The following CEP290 variants were observed in gnomAD, a reference collection of about 807,000 sequenced individuals.
The protein encoded by CEP290 is centrosomal protein of 290 kDa.
In CEP290, 317 loss-of-function variants were observed where a neutral mutation model predicts 344.9. That is an observed-to-expected ratio of 0.92 (90% CI 0.84 to 1.01). The LOEUF is 1.01. Ranked by LOEUF, CEP290 falls within the 50% of genes least tolerant of loss-of-function variation. The pLI, the probability that CEP290 is intolerant of heterozygous loss-of-function variation, is 0.00. For synonymous variants in CEP290, 932 were observed against 895.8 expected, an observed-to-expected ratio of 1.04 and a Z score of -0.72; for missense variants, 2,754 against 2,761.4, an observed-to-expected ratio of 1.00 and a Z score of 0.06.
intron 25 of CEP290, among the ~76,000 whole-genome samples, chr12:88,106,468 A>T (rs2038288344): frequency 6.6e-6 from 1 of 152,200 alleles, no homozygotes; most frequent in South Asian, 2.1e-4. Flanking sequence ...TAAAGAAAAA[A>T]GCCTTTTTCA....
chr12:88,123,757 C>G (rs879352029), intron 13 of CEP290, among the ~76,000 whole-genome samples: 1 of 152,034 alleles, frequency 6.6e-6, no homozygotes, highest in Non-Finnish European at 1.5e-5. Context: ...TGTCCTAAAC[C>G]TTAAACTTTT....
At chr12:88,121,618 A>G (rs2039406894) in intron 13 of CEP290, among the ~76,000 whole-genome samples, 1 of 151,778 alleles carries the variant, frequency 6.6e-6, no homozygotes, top group Admixed American at 6.6e-5. Flanking sequence ...AATTTCAAAA[A>G]AAAAAAAAAA....
rs2033216440 is a variant in CEP290 at position 88,049,143 on chromosome 12, G to GTT, written c.*39_*40dup. The GTT allele has an allele frequency of 8.2e-7, 1 of 1,214,030 alleles. No individual in the cohort carries two copies. Among genetic ancestry groups the GTT allele is most frequent in the East Asian group, 2.4e-5 (1 of 42,154 alleles). The allele number at this position is 1,214,030 out of a possible 1,614,324, so 75.2% of individuals were successfully genotyped here. On this transcript the variant is annotated 3_prime_UTR_variant, in exon 54 of 54. Coordinates refer to ENST00000552810, the MANE Select transcript of CEP290 (RefSeq NM_025114.4). ...TTTCCAAGTATATTTAACTTATAAA[G>GTT]TTAATAAATAGTTAAATGAAACAAA...
At chr12:88,075,810 C>T (rs776301652) in intron 41 of CEP290, among the ~76,000 whole-genome samples, 1 of 152,160 alleles carries the variant, frequency 6.6e-6, no homozygotes, top group East Asian at 1.9e-4. Flanking sequence ...TGGGCATAGA[C>T]CCCTGTTTTC....
At chr12:88,122,009 A>T (rs1299719932) in intron 13 of CEP290, among the ~76,000 whole-genome samples, 1 of 152,168 alleles carries the variant, frequency 6.6e-6, no homozygotes, top group Non-Finnish European at 1.5e-5. Flanking sequence ...TCCAAAATTG[A>T]TTGACAGATC....
chr12:88,057,042 G>A (rs1260048802), intron 49 of CEP290, among the ~76,000 whole-genome samples: 4 of 152,048 alleles, frequency 2.6e-5, no homozygotes, highest in Non-Finnish European at 5.9e-5. Flanking sequence ...GACCTGTATC[G>A]TTCTCAGACG....
intron 49 of CEP290, chr12:88,058,636 G>C (rs568096987): frequency 2.5e-4 from 145 of 585,914 alleles, no homozygotes; most frequent in African/African-American, 2.4e-3. Flanking sequence ...TCCATGCCCT[G>C]CCACCCAAAC....
At chr12:88,060,138 G>C in intron 47 of CEP290, 118 bp from the exon 48 acceptor site, 2 of 894,184 alleles carry the variant, frequency 2.2e-6, no homozygotes, top group Non-Finnish European at 3.3e-6. Flanking sequence ...GATATGATTA[G>C]AATTAAAGTC....
At chr12:88,055,101 T>C (rs1241955757) in intron 50 of CEP290, among the ~76,000 whole-genome samples, 3 of 152,150 alleles carry the variant, frequency 2.0e-5, no homozygotes, top group African/African-American at 7.2e-5. Context: ...TTTAGGGTGA[T>C]GGAGAACCAC....
In CEP290 at chr12:88,049,141, A is replaced by AAGTT. The variant is rs543695126; in HGVS notation, c.*39_*42dup. 81 of 1,187,360 alleles carry AAGTT rather than the reference A, an allele frequency of 6.8e-5. 1 individual carries two copies. The highest frequency in any genetic ancestry group is 6.6e-4 in the South Asian group (46 of 69,392). 73.6% of individuals were successfully genotyped at this position (1,187,360 alleles called of 1,614,324 possible). On this transcript the variant is annotated 3_prime_UTR_variant, in exon 54 of 54. Transcript: ENST00000552810. ...TATTTCCAAGTATATTTAACTTATA[A>AAGTT]AGTTAATAAATAGTTAAATGAAACA...
intron 5 of CEP290, 130 bp downstream of exon 5, chr12:88,139,015 C>A (rs1383547644): frequency 1.8e-6 from 1 of 568,858 alleles, no homozygotes; most frequent in Non-Finnish European, 3.2e-6. Context: ...AGAACATATA[C>A]AGAATAAACA....
Position 88,060,991 on chromosome 12 carries a change from C to T in CEP290, c.6361G>A (p.Gly2121Ser). The change falls in exon 47 of 54, where the codon GGT becomes AGT. Residue 2121 changes from glycine (G) to serine (S), a missense_variant. Gly to Ser is a moderately conservative substitution (Grantham distance 56). Coordinates refer to ENST00000552810, the MANE Select transcript of CEP290 (RefSeq NM_025114.4). Reference protein sequence around the residue: ...QRKLGHVRGSGRSGKTIPELE... With the variant: ...QRKLGHVRGSSRSGKTIPELE... ...TCTGGGATTGTCTTTCCACTTCTAC[C>T]AGACTACGAAAGAATATGTTAAATC... is the stretch of plus-strand genomic sequence containing the variant. 6.5e-7 allele frequency: 1 copy of T among 1,546,402 alleles called. No individual in the cohort carries two copies. The highest frequency in any genetic ancestry group is 1.7e-4 in the Middle Eastern group (1 of 5,902).
chr12:88,133,762 C>T (rs1481020171), intron 6 of CEP290, among the ~76,000 whole-genome samples: 1 of 152,056 alleles, frequency 6.6e-6, no homozygotes, highest in Non-Finnish European at 1.5e-5. Context: ...ATGCAAACTA[C>T]AATACAAATT....
chr12:88,087,757 ATG>A (rs1555208843), intron 32 of CEP290, 21 bp downstream of exon 32: 1 of 1,040,204 alleles, frequency 9.6e-7, no homozygotes, highest in Non-Finnish European at 1.3e-6. Context: ...AGGGAAAAAA[ATG>A]AAATAAATAT....
intron 50 of CEP290, among the ~76,000 whole-genome samples, chr12:88,054,737 A>G (rs1351078815): frequency 2.0e-5 from 3 of 152,146 alleles, no homozygotes; most frequent in South Asian, 4.1e-4. Context: ...AGGAAGAGCT[A>G]TCAAGAAAAA....
intron 26 of CEP290, among the ~76,000 whole-genome samples, chr12:88,099,033 T>C (rs1332313384): frequency 6.6e-6 from 1 of 152,112 alleles, no homozygotes; most frequent in Non-Finnish European, 1.5e-5. Flanking sequence ...AAGGAGGAAG[T>C]TTTAAACAAT....
At chr12:88,066,630 C>T (rs998135443) in intron 44 of CEP290, among the ~76,000 whole-genome samples, 1 of 151,354 alleles carries the variant, frequency 6.6e-6, no homozygotes, top group East Asian at 2.0e-4. Flanking sequence ...AGGCACAGAG[C>T]CTAACACCAT....
At chr12:88,090,644 G>C in intron 30 of CEP290, 84 bp downstream of exon 30, 1 of 848,012 alleles carries the variant, frequency 1.2e-6, no homozygotes, top group South Asian at 1.6e-5. Context: ...CAAACAAAAA[G>C]TATAACATAT....
chr12:88,105,741 T>C (rs1364267224), intron 25 of CEP290, among the ~76,000 whole-genome samples: 1 of 149,118 alleles, frequency 6.7e-6, no homozygotes, highest in Admixed American at 6.6e-5. Context: ...TCTTCTTCTT[T>C]TTTTCTTTTA....
Sources: allele counts gnomAD v4.1 joint callset (sites outside exome capture counted in the v4.1 genomes callset), GRCh38; gene constraint gnomAD v4.1.1; transcripts MANE v1.5; gene names NCBI Gene and HGNC (gene_info 2026-07-23, HGNC 2026-07-21).